MROH1: variants seen among roughly 807,000 people sequenced by gnomAD.
MROH1 encodes maestro heat like repeat family member 1.
MROH1 carries 117 observed loss-of-function variants against 116.5 expected under a neutral mutation model. The observed-to-expected ratio is 1.00, with a 90% CI of 0.86 to 1.17. MROH1 has a LOEUF of 1.17. Among genes scored for constraint, MROH1 ranks in the 50% most tolerant of loss-of-function variants. The pLI is 0.00. For synonymous variants in MROH1, 921 were observed against 583.9 expected, an observed-to-expected ratio of 1.58 and a Z score of -8.32; for missense variants, 1,873 against 1,338.5, an observed-to-expected ratio of 1.40 and a Z score of -6.23.
At chr8:144,255,416 G>A in intron 34 of MROH1, 93 bp from the exon 35 acceptor site, 1 of 710,320 alleles carries the variant, frequency 1.4e-6, no homozygotes, top group Non-Finnish European at 2.6e-6. Flanking sequence ...AGCACATGAT[G>A]CAGGCGAAGG....
chr8:144,244,037 CGT>C (rs1156325737), intron 26 of MROH1, 95 bp downstream of exon 26: 4 of 723,656 alleles, frequency 5.5e-6, no homozygotes, highest in Non-Finnish European at 1.0e-5. Context: ...TGTGCATGTG[CGT>C]GTGTGTGCCT....
In MROH1 at chr8:144,220,663, C is replaced by A. The variant is rs769375535; in HGVS notation, c.1205C>A (p.Thr402Asn). The A allele has an allele frequency of 6.4e-7, 1 of 1,574,028 alleles. No homozygotes were observed. The highest frequency in any genetic ancestry group is 1.2e-5 in the South Asian group (1 of 85,648). Residue 402 changes from threonine to asparagine, a missense_variant, in exon 13 of 44, where the codon ACC becomes AAC. Thr to Asn is a moderately conservative substitution (Grantham distance 65). Transcript: ENST00000326134. Reference sequence around the variant, plus strand: ...TCCATGAGGCTTCCTCTCCTGGACACCAACAGCAAGGTAAACCACATGGGC... The same window carrying A: ...TCCATGAGGCTTCCTCTCCTGGACAACAACAGCAAGGTAAACCACATGGGC... ...LSSMRLPLLD[T>N]NSKVKRAVVQ...
In MROH1 at chr8:144,151,263, A is replaced by C. The variant is rs1313587684; in HGVS notation, c.-177+3187A>C. ...ATTCTGTCTCAAAAAAAAAAAAAAA[A>C]AAAAAAAAAAACCTCCAAGATGCTA... On this transcript the variant is annotated intron_variant, in intron 1 of 43. Coordinates refer to ENST00000326134, the MANE Select transcript of MROH1 (RefSeq NM_032450.3). 1.4e-3 allele frequency among the ~76,000 whole-genome samples: 213 copies of C among 151,128 alleles called. 1 individual carries two copies. Among genetic ancestry groups the C allele is most frequent in the Admixed American group, 2.7e-3 (41 of 15,152 alleles).
At chr8:144,238,706 C>A in intron 14 of MROH1, 50 bp from the exon 15 acceptor site, 1 of 760,484 alleles carries the variant, frequency 1.3e-6, no homozygotes. Context: ...TGTCCTCAGG[C>A]CCAGAGCCAT....
At chr8:144,206,491 C>T (rs1366107338) in intron 12 of MROH1, among the ~76,000 whole-genome samples, 2 of 150,610 alleles carry the variant, frequency 1.3e-5, no homozygotes, top group Non-Finnish European at 2.9e-5. Flanking sequence ...GGCACGATCT[C>T]GGCTCACTGC....
intron 10 of MROH1, chr8:144,192,660 G>A: frequency 1.5e-6 from 1 of 658,536 alleles, no homozygotes; most frequent in South Asian, 1.6e-5. Flanking sequence ...GCCCAGTGCA[G>A]GCCCAGTACA....
At chr8:144,151,336 G>T (rs1395141515) in intron 1 of MROH1, among the ~76,000 whole-genome samples, 1 of 151,696 alleles carries the variant, frequency 6.6e-6, no homozygotes, top group Admixed American at 6.6e-5. Flanking sequence ...GCAGATTGGC[G>T]GAAGAAGACA....
In MROH1 at chr8:144,180,657, C is replaced by T; in HGVS notation, c.562+134C>T. On this transcript the variant is annotated intron_variant, in intron 7 of 43. Transcript: ENST00000326134. This position sits in a 1 kb window ranked among gnomAD's most constrained non-coding sequence, Gnocchi z 7.4. The stretch of plus-strand genomic sequence containing the variant: ...GGGGGCTGTTGGAGGGAGGGGCCCC[C>T]TGGCTGAGGCTGCTGGCTGGTTGGG... The T allele has an allele frequency of 2.6e-6, 2 of 779,054 alleles. No homozygotes were observed. Among genetic ancestry groups the T allele is most frequent in the South Asian group, 1.8e-5 (1 of 54,872 alleles). The allele number at this position is 779,054 out of a possible 1,614,324, so 48.3% of individuals were successfully genotyped here. A position where few individuals can be genotyped will look rare whatever the true frequency, so the allele number is the denominator to read the frequency against.
chr8:144,179,068 C>T (rs906422363), intron 4 of MROH1, among the ~76,000 whole-genome samples: 4 of 152,044 alleles, frequency 2.6e-5, no homozygotes, highest in African/African-American at 9.7e-5. Flanking sequence ...GCGGCAGAGA[C>T]TGAGGCCATG....
At chr8:144,236,420 G>C (rs1840049319) in intron 14 of MROH1, among the ~76,000 whole-genome samples, 1 of 152,138 alleles carries the variant, frequency 6.6e-6, no homozygotes, top group African/African-American at 2.4e-5. Flanking sequence ...TTGGGATTAA[G>C]TAAACATCTT....
At chr8:144,210,983 G>C (rs1456556251) in intron 12 of MROH1, among the ~76,000 whole-genome samples, 3 of 152,112 alleles carry the variant, frequency 2.0e-5, no homozygotes, top group Admixed American at 6.6e-5. Context: ...CTGTGAAACA[G>C]CAACTCCCCA....
chr8:144,163,858 T>C lies in MROH1; in HGVS notation c.22+10T>C, dbSNP rs1474434206. ...GAGTCCTCCATGAAGAGTGAGTGCA[T>C]GGGGATTGGGAGTGGCCGGGTGTGA... On this transcript the variant is annotated intron_variant, in intron 3 of 43. Coordinates refer to ENST00000326134, the MANE Select transcript of MROH1 (RefSeq NM_032450.3). This position sits in a 1 kb window ranked among gnomAD's most constrained non-coding sequence, Gnocchi z 4.4. 2 of 1,613,190 alleles carry C rather than the reference T, an allele frequency of 1.2e-6. No individual in the cohort carries two copies. Among genetic ancestry groups the C allele is most frequent in the East Asian group, 2.2e-5 (1 of 44,838 alleles).
chr8:144,218,456 C>T (rs1480661900), intron 12 of MROH1, among the ~76,000 whole-genome samples: 4 of 151,908 alleles, frequency 2.6e-5, no homozygotes, highest in South Asian at 2.1e-4. Context: ...AGTGGCGTTG[C>T]GTGGGTGTTG....
intron 1 of MROH1, among the ~76,000 whole-genome samples, chr8:144,158,182 C>T (rs1818644943): frequency 6.6e-6 from 1 of 151,082 alleles, no homozygotes. Context: ...TAGTAGGGTT[C>T]GGGTTTCACC....
intron 35 of MROH1, 71 bp downstream of exon 35, chr8:144,255,776 T>TG: frequency 1.4e-6 from 1 of 692,906 alleles, no homozygotes; most frequent in Non-Finnish European, 2.7e-6. Context: ...ACGCGCGTGG[T>TG]GGGGGCGGAC....
chr8:144,184,978 G>A (rs1019892674), intron 7 of MROH1, among the ~76,000 whole-genome samples: 1 of 152,210 alleles, frequency 6.6e-6, no homozygotes, highest in Admixed American at 6.5e-5. Context: ...GGCCCTGGGT[G>A]CTGCTGGTGA....
At chr8:144,245,389 G>T in intron 29 of MROH1, 129 bp downstream of exon 29, 1 of 667,220 alleles carries the variant, frequency 1.5e-6, no homozygotes, top group Non-Finnish European at 2.7e-6. Flanking sequence ...TTGAGACCTG[G>T]ATTGAGGGCC....
chr8:144,148,314 T>C (rs1815908254), intron 1 of MROH1, among the ~76,000 whole-genome samples: 1 of 152,180 alleles, frequency 6.6e-6, no homozygotes, highest in South Asian at 2.1e-4. Context: ...GCGGCTGTGC[T>C]CCTCCTCTGC....
chr8:144,230,583 T>A (rs1838667348), intron 14 of MROH1, among the ~76,000 whole-genome samples: 1 of 151,970 alleles, frequency 6.6e-6, no homozygotes, highest in South Asian at 2.1e-4. Context: ...ACATCATTGT[T>A]CATCTTGGCT....
Sources: gnomAD v4.1 joint callset for allele counts (sites outside exome capture counted in the v4.1 genomes callset) on GRCh38, gnomAD v4.1.1 for gene constraint, Gnocchi (gnomAD v3.1) non-coding constraint, MANE v1.5 for transcripts, NCBI Gene and HGNC (gene_info 2026-07-23, HGNC 2026-07-21) for gene names.